Variants in HCRTR2 observed in about 807,000 individuals in gnomAD.
HCRTR2 encodes hypocretin receptor 2.
A neutral mutation model predicts 49.0 loss-of-function variants in HCRTR2; 22 were observed. That is an observed-to-expected ratio of 0.45 (90% CI 0.32 to 0.64). HCRTR2 has a LOEUF of 0.64. Among genes scored for constraint, HCRTR2 ranks in the 30% least tolerant of loss-of-function variants. The probability of loss-of-function intolerance (pLI) is 0.04; values close to 1 mark genes in which losing one functional copy is unlikely to be tolerated. For missense variants in HCRTR2, 491 were observed against 559.4 expected (o/e 0.88, Z 1.23); for synonymous variants, 236 against 205.3 (o/e 1.15, Z -1.28).
intron 1 of HCRTR2, among the ~76,000 whole-genome samples, chr6:55,237,140 T>C (rs977461597): frequency 2.6e-5 from 4 of 152,094 alleles, no homozygotes; most frequent in African/African-American, 9.6e-5. Context: ...ATAATTTCCT[T>C]GGACTATTTT....
At chr6:55,144,648 G>A (rs1028276728) in intron 1 of HCRTR2, among the ~76,000 whole-genome samples, 1 of 152,038 alleles carries the variant, frequency 6.6e-6, no homozygotes, top group African/African-American at 2.4e-5. Context: ...CCTCGCATGC[G>A]CAGTTCACAA....
At chr6:55,222,730 A>C (rs1341649528) in intron 1 of HCRTR2, among the ~76,000 whole-genome samples, 1 of 152,192 alleles carries the variant, frequency 6.6e-6, no homozygotes, top group African/African-American at 2.4e-5. Flanking sequence ...TATCTAAAGT[A>C]GTCAGTCATA....
At chr6:55,273,494 G>A (rs1236722283) in intron 4 of HCRTR2, among the ~76,000 whole-genome samples, 1 of 151,752 alleles carries the variant, frequency 6.6e-6, no homozygotes, top group Non-Finnish European at 1.5e-5. Context: ...TAAAATTCTC[G>A]ACTTATTTCC....
intron 1 of HCRTR2, among the ~76,000 whole-genome samples, chr6:55,180,571 AGGG>A (rs36112546): frequency 7.2e-6 from 1 of 138,218 alleles, no homozygotes. Flanking sequence ...TTACCTGTTC[AGGG>A]GGTTGACTCA....
chr6:55,161,705 C>A (rs573683833), intron 1 of HCRTR2, among the ~76,000 whole-genome samples: 1 of 152,238 alleles, frequency 6.6e-6, no homozygotes, highest in South Asian at 2.1e-4. Context: ...CTATAGACAC[C>A]TCTATGCAAA....
intron 1 of HCRTR2, among the ~76,000 whole-genome samples, chr6:55,243,432 C>T (rs79964656): frequency 0.023 from 3,467 of 152,166 alleles, 72 homozygotes; most frequent in Middle Eastern, 0.088. Flanking sequence ...CAGTACATGG[C>T]GAATTGAGAA....
intron 5 of HCRTR2, among the ~76,000 whole-genome samples, chr6:55,278,852 A>G (rs1246944673): frequency 6.6e-6 from 1 of 151,258 alleles, no homozygotes; most frequent in Non-Finnish European, 1.5e-5. Flanking sequence ...ATGTTACTGG[A>G]TGGGTTTTAT....
At chr6:55,107,982 T>G (rs1763998262) in intron 1 of HCRTR2, among the ~76,000 whole-genome samples, 1 of 152,134 alleles carries the variant, frequency 6.6e-6, no homozygotes, top group Non-Finnish European at 1.5e-5. Context: ...TATCCATACT[T>G]TTGGTTGAAA....
intron 1 of HCRTR2, among the ~76,000 whole-genome samples, chr6:55,149,805 T>C (rs1764639963): frequency 1.3e-5 from 2 of 152,050 alleles, no homozygotes; most frequent in African/African-American, 2.4e-5. Context: ...TCAGAAAATA[T>C]TTGAATACAT....
intron 4 of HCRTR2, among the ~76,000 whole-genome samples, chr6:55,266,307 C>T (rs952578821): frequency 2.0e-5 from 3 of 152,136 alleles, no homozygotes; most frequent in African/African-American, 4.8e-5. Context: ...AAGATAGTCT[C>T]GCTGTCATCT....
chr6:55,112,533 C>T (rs1212251746), intron 1 of HCRTR2, among the ~76,000 whole-genome samples: 5 of 141,886 alleles, frequency 3.5e-5, no homozygotes, highest in Middle Eastern at 3.6e-3. Context: ...AATTCAACCC[C>T]TTTTACAATA....
chr6:55,207,618 G>A (rs1765623620), intron 1 of HCRTR2, among the ~76,000 whole-genome samples: 1 of 152,060 alleles, frequency 6.6e-6, no homozygotes, highest in African/African-American at 2.4e-5. Context: ...CAATAGGGAA[G>A]AACCAAAAAT....
chr6:55,185,681 T>A (rs1038469682), intron 1 of HCRTR2, among the ~76,000 whole-genome samples: 25 of 83,844 alleles, frequency 3.0e-4, no homozygotes, highest in African/African-American at 7.2e-4. Context: ...CAGGACATAT[T>A]TTCAACTATC....
At chr6:55,177,298 G>A (rs1309332745) in intron 1 of HCRTR2, among the ~76,000 whole-genome samples, 1 of 152,178 alleles carries the variant, frequency 6.6e-6, no homozygotes, top group Non-Finnish European at 1.5e-5. Context: ...GAACTGAAAT[G>A]CATTCTTTTC....
At chr6:55,122,084 A>T (rs911037974) in intron 1 of HCRTR2, among the ~76,000 whole-genome samples, 1 of 152,110 alleles carries the variant, frequency 6.6e-6, no homozygotes, top group African/African-American at 2.4e-5. Context: ...CTGTGAATCC[A>T]TCTGGTCCTG....
At chr6:55,148,433 T>C (rs1373227701) in intron 1 of HCRTR2, among the ~76,000 whole-genome samples, 1 of 152,162 alleles carries the variant, frequency 6.6e-6, no homozygotes. Context: ...TTGGAAATTA[T>C]AGAAGTGGGC....
intron 2 of HCRTR2, 57 bp downstream of exon 2, chr6:55,248,874 T>C: frequency 7.2e-7 from 1 of 1,394,878 alleles, no homozygotes; most frequent in Non-Finnish European, 1.0e-6. Flanking sequence ...GCCATAGCGA[T>C]GGCCCTTATG....
At position 55,280,322 on chromosome 6, in the gene HCRTR2, G is replaced by A. The variant is rs773954688; in HGVS notation, c.984-1G>A. The A allele has an allele frequency of 6.3e-7, 1 of 1,580,552 alleles. No individual in the cohort carries two copies. The highest frequency in any genetic ancestry group is 8.7e-7 in the Non-Finnish European group (1 of 1,150,204). On this transcript the variant is annotated splice_acceptor_variant, in intron 5 of 6. Transcript: ENST00000370862. LOFTEE classifies it high-confidence loss of function. ...CTTTTCTGTTGTTTCTTTTCCTGCA[G>A]AGTATTTGGGATGTTTGCCCATACT... is the stretch of plus-strand genomic sequence containing the variant.
intron 3 of HCRTR2, 123 bp downstream of exon 3, chr6:55,255,502 C>G: frequency 1.5e-5 from 18 of 1,182,824 alleles, no homozygotes; most frequent in Non-Finnish European, 2.0e-5. Context: ...TACAGTTTTG[C>G]AAGAGCATGA....
Sources: allele counts gnomAD v4.1 joint callset (sites outside exome capture counted in the v4.1 genomes callset), GRCh38; gene constraint gnomAD v4.1.1; transcripts MANE v1.5; gene names NCBI Gene and HGNC (gene_info 2026-07-23, HGNC 2026-07-21).